RFX3: variants seen among roughly 807,000 people sequenced by gnomAD.
The protein encoded by RFX3 is transcription factor RFX3.
Under a neutral mutation model 98.6 loss-of-function variants are expected in RFX3, and 14 were observed. The observed-to-expected ratio is 0.14, with a 90% CI of 0.09 to 0.22. The LOEUF is 0.22. RFX3 is among the 10% of genes least tolerant of loss of function. The probability of loss-of-function intolerance (pLI) is 1.00; values close to 1 mark genes in which losing one functional copy is unlikely to be tolerated. For synonymous variants in RFX3, 383 were observed against 328.4 expected, an observed-to-expected ratio of 1.17 and a Z score of -1.80; for missense variants, 639 against 926.9, an observed-to-expected ratio of 0.69 and a Z score of 4.03.
chr9:3,504,967 T>C (rs1459259403), intron 1 of RFX3, among the ~76,000 whole-genome samples: 1 of 79,956 alleles, frequency 1.3e-5, no homozygotes, highest in Non-Finnish European at 2.1e-5. Context: ...TTATATATAA[T>C]ATATATTATA....
At chr9:3,367,634 G>A (rs559739676) in intron 2 of RFX3, among the ~76,000 whole-genome samples, 1 of 152,126 alleles carries the variant, frequency 6.6e-6, no homozygotes, top group Non-Finnish European at 1.5e-5. Context: ...ACCTCCATGG[G>A]TTTTCAGAAT....
rs34884461 is a variant in RFX3 at position 3,327,889 on chromosome 9, C to CAA, written c.474+2368_474+2369dup. Among the ~76,000 whole-genome samples the CAA allele has an allele frequency of 3.7e-5, 5 of 134,824 alleles. No homozygotes were observed. In the East Asian group the frequency reaches 5.9e-4, roughly 16 times the overall value. The allele number at this position is 134,824 out of a possible 152,430, so 88.4% of individuals were successfully genotyped here. ...CCTACATAGAAAGTGTATACCTTAT[C>CAA]AAAAAAAAAATAGAAGAAGAATCCT... On this transcript the variant is annotated intron_variant, in intron 4 of 16. Transcript: ENST00000617270.
At chr9:3,490,520 A>G (rs1850647954) in intron 1 of RFX3, among the ~76,000 whole-genome samples, 1 of 152,104 alleles carries the variant, frequency 6.6e-6, no homozygotes, top group Non-Finnish European at 1.5e-5. Flanking sequence ...ATATTTTTAG[A>G]TGTTTCTGAT....
intron 4 of RFX3, among the ~76,000 whole-genome samples, chr9:3,311,118 T>C (rs1343152439): frequency 6.6e-6 from 1 of 152,250 alleles, no homozygotes. Flanking sequence ...CAGTGAGTAC[T>C]TTCTCAGAGA....
Position 3,307,518 on chromosome 9 carries a change from A to C in RFX3, c.475-5898T>G, listed in dbSNP as rs528677514. Among the ~76,000 whole-genome samples the C allele has an allele frequency of 2.6e-5, 4 of 152,270 alleles. No individual in the cohort carries two copies. The South Asian group carries it at 6.2e-4, about 24-fold the overall frequency. ...GTGATAACACTGCAGTGAGAATGAA[A>C]GGGATGAATACAAACATATTTTCAA... is the stretch of plus-strand genomic sequence containing the variant. On this transcript the variant is annotated intron_variant, in intron 4 of 16. Coordinates refer to ENST00000617270, the MANE Select transcript of RFX3 (RefSeq NM_001282116.2).
intron 1 of RFX3, among the ~76,000 whole-genome samples, chr9:3,502,045 A>C (rs1816077772): frequency 6.6e-6 from 1 of 151,304 alleles, no homozygotes; most frequent in Non-Finnish European, 1.5e-5. Flanking sequence ...AGGTCAGGAG[A>C]TCGAGACCAT....
intron 4 of RFX3, among the ~76,000 whole-genome samples, chr9:3,325,747 C>G (rs1297797819): frequency 6.6e-6 from 1 of 152,000 alleles, no homozygotes; most frequent in African/African-American, 2.4e-5. Context: ...CAAAAAAAAT[C>G]ACTAACTACA....
At chr9:3,239,192 T>C (rs73642621) in intron 15 of RFX3, among the ~76,000 whole-genome samples, 1,909 of 152,336 alleles carry the variant, frequency 0.013, 31 homozygotes, top group African/African-American at 0.043. Context: ...TTAGCACTGA[T>C]ACATGGTTTT....
At chr9:3,226,924 C>T (rs767649029) in intron 16 of RFX3, among the ~76,000 whole-genome samples, 8 of 152,066 alleles carry the variant, frequency 5.3e-5, no homozygotes, top group Admixed American at 2.0e-4. Flanking sequence ...TTCTACGGAG[C>T]AAATATCCCT....
At chr9:3,302,600 A>C (rs1184726701) in intron 4 of RFX3, among the ~76,000 whole-genome samples, 2 of 151,870 alleles carry the variant, frequency 1.3e-5, no homozygotes, top group Non-Finnish European at 2.9e-5. Context: ...GTCTGATTAC[A>C]TCAACAATTC....
intron 2 of RFX3, among the ~76,000 whole-genome samples, chr9:3,349,584 C>A (rs114541353): frequency 2.0e-5 from 3 of 152,012 alleles, no homozygotes; most frequent in East Asian, 3.8e-4. Flanking sequence ...TTACTGCCCC[C>A]ACACCCCCAA....
chr9:3,435,997 T>C (rs1319407137), intron 1 of RFX3, among the ~76,000 whole-genome samples: 1 of 151,990 alleles, frequency 6.6e-6, no homozygotes, highest in Admixed American at 6.6e-5. Context: ...GGTGTCTCTA[T>C]GCTGGTCACT....
chr9:3,488,296 T>C (rs898402876), intron 1 of RFX3, among the ~76,000 whole-genome samples: 2 of 152,172 alleles, frequency 1.3e-5, no homozygotes, highest in Admixed American at 1.3e-4. Context: ...ACACATCTAT[T>C]GATTAATTTC....
chr9:3,377,103 C>G (rs1838627012), intron 2 of RFX3, among the ~76,000 whole-genome samples: 1 of 152,138 alleles, frequency 6.6e-6, no homozygotes, highest in African/African-American at 2.4e-5. Flanking sequence ...GGTACATACC[C>G]AAAGGATTAT....
rs1432924409 is a variant in RFX3, at chr9:3,508,650, C to T, written c.-9+17097G>A. 2.0e-5 allele frequency among the ~76,000 whole-genome samples: 3 copies of T among 151,910 alleles called. No homozygotes were observed. In the East Asian group the frequency reaches 5.8e-4, roughly 29 times the overall value. On this transcript the variant is annotated intron_variant, in intron 1 of 16. Coordinates refer to ENST00000617270, the MANE Select transcript of RFX3 (RefSeq NM_001282116.2). ...AAGGTGAGGCTAAATCCAAAGGGAACAGTTTTACAAGAAGGTTTATCTGTG... is the reference window on the plus strand; with the variant it reads ...AAGGTGAGGCTAAATCCAAAGGGAATAGTTTTACAAGAAGGTTTATCTGTG...
chr9:3,420,839 A>T, intron 1 of RFX3: 11 of 985,164 alleles, frequency 1.1e-5, no homozygotes, highest in Non-Finnish European at 1.3e-5. Flanking sequence ...GTCAGAAAGC[A>T]TTCTGTCCAT....
chr9:3,272,525 G>A (rs1297133412), intron 9 of RFX3, among the ~76,000 whole-genome samples: 1 of 152,090 alleles, frequency 6.6e-6, no homozygotes, highest in Admixed American at 6.6e-5. Flanking sequence ...ACAGTCCTCA[G>A]TAACAATAAA....
At chr9:3,254,905 G>A (rs1307810443) in intron 14 of RFX3, among the ~76,000 whole-genome samples, 1 of 152,124 alleles carries the variant, frequency 6.6e-6, no homozygotes, top group Non-Finnish European at 1.5e-5. Context: ...ATACTAGTGG[G>A]TCACAGAGCC....
chr9:3,262,103 A>G lies in RFX3; in HGVS notation c.1605+832T>C, dbSNP rs188556089. 2.0e-5 allele frequency among the ~76,000 whole-genome samples: 3 copies of G among 152,310 alleles called. No individual in the cohort carries two copies. In the East Asian group the frequency reaches 5.8e-4, roughly 29 times the overall value. ...CACATTCTGTGGTTTGCCATTTCAC[A>G]TTCTTGATGGTCTCTTTTGAAACCC... On this transcript the variant is annotated intron_variant, in intron 13 of 16. Coordinates refer to ENST00000617270, the MANE Select transcript of RFX3 (RefSeq NM_001282116.2).
Sources: gnomAD v4.1 joint callset for allele counts (sites outside exome capture counted in the v4.1 genomes callset) on GRCh38, gnomAD v4.1.1 for gene constraint, MANE v1.5 for transcripts, NCBI Gene and HGNC (gene_info 2026-07-23, HGNC 2026-07-21) for gene names.